The following MTF2 variants were observed in gnomAD, a reference collection of about 807,000 sequenced individuals.
MTF2 encodes the protein metal-response element-binding transcription factor 2.
Under a neutral mutation model 79.5 loss-of-function variants are expected in MTF2, and 11 were observed. The ratio of observed to expected loss-of-function variants is 0.14; its 90% confidence interval spans 0.09 to 0.23. The LOEUF is 0.23. MTF2 is among the 10% of genes least tolerant of loss of function. The pLI is 1.00. For synonymous variants in MTF2, 208 were observed against 232.8 expected (o/e 0.89, Z 0.97); for missense variants, 486 against 711.2 (o/e 0.68, Z 3.60).
chr1:93,133,824 G>A lies in MTF2; in HGVS notation c.1266+16G>A. ...GCCACTTTTGGTAAGAGGATATGTTGGTATATGTTCTCAAGAAGAAGGATG... is the reference window on the plus strand; with the variant it reads ...GCCACTTTTGGTAAGAGGATATGTTAGTATATGTTCTCAAGAAGAAGGATG... On this transcript the variant is annotated intron_variant, in intron 12 of 14. Transcript: ENST00000370298. The A allele has an allele frequency of 6.3e-7, 1 of 1,576,330 alleles. No homozygotes were observed. The highest frequency in any genetic ancestry group is 8.7e-7 in the Non-Finnish European group (1 of 1,149,390).
chr1:93,102,131 A>G (rs1368563373), intron 1 of MTF2, among the ~76,000 whole-genome samples: 2 of 152,172 alleles, frequency 1.3e-5, no homozygotes, highest in Admixed American at 6.5e-5. Context: ...TGATTCCCCA[A>G]TCAAAAAGTC....
chr1:93,112,197 C>T (rs569074173), intron 3 of MTF2, among the ~76,000 whole-genome samples: 1 of 152,288 alleles, frequency 6.6e-6, no homozygotes, highest in Non-Finnish European at 1.5e-5. Context: ...CTCTTCTTAG[C>T]ACCCTGATAT....
rs1656389661 is a variant in MTF2 at position 93,119,551 on chromosome 1, A to G, written c.797+150A>G. 4 of 579,480 alleles carry G rather than the reference A, an allele frequency of 6.9e-6. No homozygotes were observed. In the South Asian group the frequency reaches 1.0e-4, roughly 15 times the overall value. 35.9% of individuals were successfully genotyped at this position (579,480 alleles called of 1,614,324 possible). A position where few individuals can be genotyped will look rare whatever the true frequency, so the allele number is the denominator to read the frequency against. On this transcript the variant is annotated intron_variant, in intron 8 of 14. Transcript: ENST00000370298. The stretch of plus-strand genomic sequence containing the variant: ...TTTATTTATCCTCATGCCTGATGTC[A>G]TCTTCACTAAGTAACATCCACTTGT...
At chr1:93,129,157 AT>A in intron 10 of MTF2, 120 bp from the exon 11 acceptor site, 2 of 589,848 alleles carry the variant, frequency 3.4e-6, no homozygotes, top group East Asian at 3.3e-5. Flanking sequence ...GGGGAAGTGA[AT>A]TTTTGTAGTA....
At chr1:93,114,393 C>G (rs1244309896) in intron 3 of MTF2, among the ~76,000 whole-genome samples, 2 of 152,220 alleles carry the variant, frequency 1.3e-5, no homozygotes, top group Non-Finnish European at 2.9e-5. Flanking sequence ...TCATCTCCAC[C>G]TTCACCTTTA....
At chr1:93,081,253 T>C (rs1169868474) in intron 1 of MTF2, among the ~76,000 whole-genome samples, 1 of 152,208 alleles carries the variant, frequency 6.6e-6, no homozygotes, top group Non-Finnish European at 1.5e-5. Context: ...AAAGCTCTGT[T>C]AGGAAAGACA....
intron 1 of MTF2, among the ~76,000 whole-genome samples, chr1:93,103,668 T>C (rs1180586849): frequency 6.7e-6 from 1 of 148,518 alleles, no homozygotes; most frequent in Non-Finnish European, 1.5e-5. Flanking sequence ...ACCTTTGTAA[T>C]CAGAAAGGAA....
chr1:93,111,280 C>G (rs942784526), intron 3 of MTF2, among the ~76,000 whole-genome samples: 2 of 152,124 alleles, frequency 1.3e-5, no homozygotes, highest in Non-Finnish European at 2.9e-5. Flanking sequence ...ATTACAATCT[C>G]TACTAAAAGC....
chr1:93,094,656 T>G (rs901104774), intron 1 of MTF2, among the ~76,000 whole-genome samples: 1 of 152,102 alleles, frequency 6.6e-6, no homozygotes, highest in African/African-American at 2.4e-5. Context: ...TCTAGAGGCT[T>G]ACCAGGTTCA....
chr1:93,103,623 A>G (rs1356735416), intron 1 of MTF2, among the ~76,000 whole-genome samples: 2 of 152,088 alleles, frequency 1.3e-5, no homozygotes, highest in East Asian at 1.9e-4. Flanking sequence ...ATTTTTAACT[A>G]TATGTTTCTA....
rs1208979416 is a variant in MTF2 at position 93,108,053 on chromosome 1, C to T, written c.6-2177C>T. Among the ~76,000 whole-genome samples, 6 of 152,216 alleles carry T rather than the reference C, an allele frequency of 3.9e-5. No individual in the cohort carries two copies. In the East Asian group the frequency reaches 5.8e-4, roughly 15 times the overall value. ...CCTCCCAAAGTGCTGGGATTACAGG[C>T]GTCAGCCATGCTGCACCTGGCCTGT... is the stretch of plus-strand genomic sequence containing the variant. On this transcript the variant is annotated intron_variant, in intron 1 of 14. Coordinates refer to ENST00000370298, the MANE Select transcript of MTF2 (RefSeq NM_007358.4).
At chr1:93,134,235 T>C (rs1228975767) in intron 14 of MTF2, 40 bp downstream of exon 14, 4 of 1,403,824 alleles carry the variant, frequency 2.8e-6, no homozygotes, top group Non-Finnish European at 4.0e-6. Flanking sequence ...CTTTTTTTAC[T>C]CTAGATTTCT....
chr1:93,079,614 A>T, intron 1 of MTF2, 83 bp downstream of exon 1: 10 of 1,521,884 alleles, frequency 6.6e-6, no homozygotes, highest in Non-Finnish European at 8.1e-6. Flanking sequence ...CAAGTATAAA[A>T]GGGAAAGATG....
intron 1 of MTF2, among the ~76,000 whole-genome samples, chr1:93,104,102 CTT>C (rs781525518): frequency 3.2e-5 from 4 of 125,420 alleles, no homozygotes; most frequent in Admixed American, 1.6e-4. Context: ...CTACACCCAG[CTT>C]TTTTTTTTTT....
At chr1:93,123,122 A>C (rs1341893806) in intron 9 of MTF2, among the ~76,000 whole-genome samples, 1 of 151,784 alleles carries the variant, frequency 6.6e-6, no homozygotes, top group Admixed American at 6.6e-5. Flanking sequence ...TTTTCAAAAC[A>C]TGGGAAGTAG....
At chr1:93,130,402 G>A (rs1403563097) in intron 11 of MTF2, among the ~76,000 whole-genome samples, 1 of 152,034 alleles carries the variant, frequency 6.6e-6, no homozygotes, top group Admixed American at 6.6e-5. Flanking sequence ...ATATGGTGAA[G>A]CCCATCTCTA....
In MTF2 at chr1:93,114,572, A is replaced by G. The variant is rs905475280; in HGVS notation, c.287-116A>G. ...ATTCGTGTACTTTGTCTTGTGAAGC[A>G]TTATGATGTACTTAGCAAACATTGC... On this transcript the variant is annotated intron_variant, in intron 3 of 14. Transcript: ENST00000370298. The G allele has an allele frequency of 5.8e-5, 37 of 632,570 alleles. 1 individual carries two copies. In the Admixed American group the frequency reaches 7.3e-4, roughly 12 times the overall value. The allele number at this position is 632,570 out of a possible 1,614,324, so 39.2% of individuals were successfully genotyped here. A position where few individuals can be genotyped will look rare whatever the true frequency, so the allele number is the denominator to read the frequency against.
At chr1:93,083,350 T>C (rs1027016100) in intron 1 of MTF2, among the ~76,000 whole-genome samples, 3 of 152,228 alleles carry the variant, frequency 2.0e-5, no homozygotes, top group East Asian at 3.8e-4. Context: ...CCAAACTATA[T>C]CGTTAATGTT....
At chr1:93,102,988 C>T (rs190508096) in intron 1 of MTF2, among the ~76,000 whole-genome samples, 2 of 151,730 alleles carry the variant, frequency 1.3e-5, no homozygotes, top group Admixed American at 6.6e-5. Flanking sequence ...AAAAATTAGC[C>T]GGGCATGGTG....
Sources: allele counts gnomAD v4.1 joint callset (sites outside exome capture counted in the v4.1 genomes callset), GRCh38; gene constraint gnomAD v4.1.1; transcripts MANE v1.5; gene names NCBI Gene and HGNC (gene_info 2026-07-23, HGNC 2026-07-21).